CALN1: variants seen among roughly 807,000 people sequenced by gnomAD.
CALN1 encodes calcium-binding protein 8.
Under a neutral mutation model 30.6 loss-of-function variants are expected in CALN1, and 17 were observed. The ratio of observed to expected loss-of-function variants is 0.56; its 90% CI spans 0.38 to 0.83. The LOEUF is 0.83. CALN1 is among the 40% of genes least tolerant of loss of function. CALN1 has a pLI of 0.00. For synonymous variants in CALN1, 156 were observed against 131.4 expected, an observed-to-expected ratio of 1.19 and a Z score of -1.28; for missense variants, 291 against 354.9, an observed-to-expected ratio of 0.82 and a Z score of 1.45.
chr7:72,280,836 G>A (rs1217529747), intron 2 of CALN1, among the ~76,000 whole-genome samples: 5 of 152,114 alleles, frequency 3.3e-5, no homozygotes, highest in African/African-American at 9.7e-5. Context: ...TCACAAGAGT[G>A]AGTTCCTTAT....
At chr7:72,071,109 A>G (rs1156345408) in intron 4 of CALN1, among the ~76,000 whole-genome samples, 1 of 152,084 alleles carries the variant, frequency 6.6e-6, no homozygotes, top group Non-Finnish European at 1.5e-5. Context: ...ATTGCAGTTA[A>G]TTTCCATCAA....
chr7:71,821,518 TACTC>T (rs1426416670), intron 5 of CALN1, among the ~76,000 whole-genome samples: 14 of 152,180 alleles, frequency 9.2e-5, no homozygotes, highest in African/African-American at 2.9e-4. Flanking sequence ...TCATGAGACT[TACTC>T]ACTACCACCA....
intron 5 of CALN1, among the ~76,000 whole-genome samples, chr7:71,837,694 G>A (rs1203538923): frequency 6.6e-6 from 1 of 152,124 alleles, no homozygotes; most frequent in Non-Finnish European, 1.5e-5. Context: ...GTTCAAGAAT[G>A]GGGGTAAAAC....
At chr7:72,398,157 T>G (rs1806103363) in intron 2 of CALN1, among the ~76,000 whole-genome samples, 1 of 152,268 alleles carries the variant, frequency 6.6e-6, no homozygotes, top group East Asian at 1.9e-4. Context: ...CAGCTGATGA[T>G]TCCAATCTAG....
intron 5 of CALN1, among the ~76,000 whole-genome samples, chr7:71,811,842 C>G (rs893698639): frequency 6.6e-6 from 1 of 151,896 alleles, no homozygotes; most frequent in Non-Finnish European, 1.5e-5. Context: ...CCACGCCCAG[C>G]TAATTTTTGT....
At chr7:72,450,669 C>T (rs575700619), upstream of CALN1, among the ~76,000 whole-genome samples, 2 of 152,188 alleles carry the variant, frequency 1.3e-5, no homozygotes, top group African/African-American at 4.8e-5. Context: ...CACTTGAGTC[C>T]AAGAGTTTGA....
At chr7:72,024,002 C>T (rs1219273830) in intron 4 of CALN1, among the ~76,000 whole-genome samples, 1 of 152,182 alleles carries the variant, frequency 6.6e-6, no homozygotes, top group East Asian at 1.9e-4. Context: ...GACAGTATTT[C>T]TAGCTAAATG....
At chr7:72,129,597 C>T (rs554041496) in intron 3 of CALN1, among the ~76,000 whole-genome samples, 16 of 152,050 alleles carry the variant, frequency 1.1e-4, no homozygotes, top group South Asian at 8.3e-4. Context: ...TAATTACAGA[C>T]GAAATGATAT....
At chr7:72,122,499 G>A (rs1019500202) in intron 3 of CALN1, among the ~76,000 whole-genome samples, 1 of 152,176 alleles carries the variant, frequency 6.6e-6, no homozygotes, top group African/African-American at 2.4e-5. Flanking sequence ...TGATTTGGGA[G>A]GCCAAGGTGT....
At chr7:72,280,148 A>G (rs879758563) in intron 2 of CALN1, among the ~76,000 whole-genome samples, 9 of 152,230 alleles carry the variant, frequency 5.9e-5, no homozygotes, top group Non-Finnish European at 1.2e-4. Context: ...ATGTCTAAAA[A>G]TGAATTAATT....
chr7:72,343,440 C>G (rs569003435), intron 2 of CALN1, among the ~76,000 whole-genome samples: 1 of 151,780 alleles, frequency 6.6e-6, no homozygotes, highest in Non-Finnish European at 1.5e-5. Context: ...CCCAGCTACT[C>G]GGAAGACTGA....
chr7:71,916,108 T>C (rs1794677293), intron 5 of CALN1, among the ~76,000 whole-genome samples: 1 of 152,180 alleles, frequency 6.6e-6, no homozygotes, highest in Non-Finnish European at 1.5e-5. Context: ...TTGTTTTTAA[T>C]GTGGGATGTG....
chr7:72,081,630 C>A (rs1013137355), intron 4 of CALN1, among the ~76,000 whole-genome samples: 7 of 151,962 alleles, frequency 4.6e-5, no homozygotes, highest in Non-Finnish European at 8.8e-5. Flanking sequence ...CCAGGTTGCC[C>A]AGGCTGGTTT....
the CALN1 span, among the ~76,000 whole-genome samples, chr7:72,470,458 T>C: frequency 6.6e-6 from 1 of 152,164 alleles, no homozygotes; most frequent in Non-Finnish European, 1.5e-5. Context: ...CACTTTGAGA[T>C]GATCATGGAA....
Position 72,403,281 on chromosome 7 carries a change from G to T in CALN1, c.89C>A (p.Pro30Gln). The T allele has an allele frequency of 6.5e-7, 1 of 1,550,266 alleles. No homozygotes were observed. The highest frequency in any genetic ancestry group is 1.2e-5 in the South Asian group (1 of 84,040). Reference protein sequence around the residue: ...GGALGGGEEPPRSQAPDFPTW... With the variant: ...GGALGGGEEPQRSQAPDFPTW... Reference sequence around the variant, plus strand: ...GGGGAAGTCGGGGGCCTGGCTCCTCGGCGGCTCCTCTCCCCCTCCGAGGGC... The same window carrying T: ...GGGGAAGTCGGGGGCCTGGCTCCTCTGCGGCTCCTCTCCCCCTCCGAGGGC... Residue 30 changes from proline (P) to glutamine (Q), a missense_variant, in exon 2 of 7, where the codon CCG (proline) becomes CAG (glutamine). Pro to Gln is a moderately conservative substitution (Grantham distance 76, BLOSUM62 -1). Around this residue, in one of 2 missense-constraint regions of CALN1, gnomAD observed 122 missense variants for 103.2 expected, o/e 1.18. Transcript: ENST00000395275.
intron 4 of CALN1, among the ~76,000 whole-genome samples, chr7:72,081,433 GGTGT>G (rs1438536113): frequency 2.2e-5 from 3 of 136,884 alleles, no homozygotes; most frequent in Non-Finnish European, 3.2e-5. Flanking sequence ...GTTTGTTTTT[GGTGT>G]GTGTGTTTTT....
At chr7:72,424,820 C>T (rs1032789974) in intron 1 of CALN1, among the ~76,000 whole-genome samples, 1 of 152,026 alleles carries the variant, frequency 6.6e-6, no homozygotes, top group African/African-American at 2.4e-5. Flanking sequence ...TGGTCTTAAG[C>T]CCCTAGCCTC....
chr7:71,799,450 T>TTTAG (rs199886231), intron 6 of CALN1, among the ~76,000 whole-genome samples: 118 of 69,116 alleles, frequency 1.7e-3, no homozygotes, highest in Non-Finnish European at 2.1e-3. Flanking sequence ...TATTTATTTA[T>TTTAG]TTAGTTAGTT....
intron 5 of CALN1, among the ~76,000 whole-genome samples, chr7:71,925,811 A>G (rs1795240586): frequency 6.6e-6 from 1 of 152,076 alleles, no homozygotes; most frequent in South Asian, 2.1e-4. Flanking sequence ...CTGGAGAAAG[A>G]GGCATTCTGC....
Sources: allele counts gnomAD v4.1 joint callset (sites outside exome capture counted in the v4.1 genomes callset), GRCh38; gene constraint gnomAD v4.1.1; regional missense constraint gnomAD v4.1.1; transcripts MANE v1.5; gene names NCBI Gene and HGNC (gene_info 2026-07-23, HGNC 2026-07-21).